Variants in ENOX1 observed in about 807,000 individuals in gnomAD.
The protein encoded by ENOX1 is candidate growth-related and time keeping constitutive hydroquinone (NADH) oxidase.
In ENOX1, 42 loss-of-function variants were observed where a neutral mutation model predicts 82.5. That is an observed-to-expected ratio of 0.51 (90% CI 0.40 to 0.66). ENOX1 has a LOEUF of 0.66. Ranked by LOEUF, ENOX1 falls within the 30% of genes least tolerant of loss-of-function variation. The pLI, the probability that ENOX1 is intolerant of heterozygous loss-of-function variation, is 0.00. For synonymous variants in ENOX1, 271 were observed against 282.2 expected (o/e 0.96, Z 0.40); for missense variants, 608 against 811.6 (o/e 0.75, Z 3.05).
chr13:43,573,033 C>G (rs2080253367), intron 2 of ENOX1, among the ~76,000 whole-genome samples: 1 of 152,168 alleles, frequency 6.6e-6, no homozygotes, highest in Admixed American at 6.5e-5. Flanking sequence ...AGTGAAGGAT[C>G]TCATTGGTAC....
intron 5 of ENOX1, among the ~76,000 whole-genome samples, chr13:43,398,436 G>C (rs2053284306): frequency 6.6e-6 from 1 of 151,984 alleles, no homozygotes; most frequent in Admixed American, 6.6e-5. Context: ...CAGTTTCCAG[G>C]CCTCATGGTT....
intron 2 of ENOX1, among the ~76,000 whole-genome samples, chr13:43,579,921 G>C (rs1161528336): frequency 6.6e-6 from 1 of 152,192 alleles, no homozygotes; most frequent in East Asian, 1.9e-4. Flanking sequence ...CCTACAGTAG[G>C]AAAGAGTTCA....
At chr13:43,493,391 G>A (rs2076687968) in intron 2 of ENOX1, among the ~76,000 whole-genome samples, 1 of 152,182 alleles carries the variant, frequency 6.6e-6, no homozygotes. Context: ...CAAGAAAGTA[G>A]TAACTCTCAC....
chr13:43,540,992 TGA>T (rs2078683130), intron 2 of ENOX1, among the ~76,000 whole-genome samples: 1 of 152,144 alleles, frequency 6.6e-6, no homozygotes, highest in African/African-American at 2.4e-5. Context: ...AACAGGCTGA[TGA>T]GAGGTGTTTG....
intron 1 of ENOX1, among the ~76,000 whole-genome samples, chr13:43,710,080 A>G (rs1406233822): frequency 6.6e-6 from 1 of 152,184 alleles, no homozygotes; most frequent in Non-Finnish European, 1.5e-5. Context: ...ACTTATCAAC[A>G]TAGATGCGAA....
chr13:43,643,483 A>G (rs1485197165), intron 2 of ENOX1, among the ~76,000 whole-genome samples: 1 of 152,178 alleles, frequency 6.6e-6, no homozygotes, highest in Non-Finnish European at 1.5e-5. Flanking sequence ...CCTTTGGAAT[A>G]GCTACTATTT....
At chr13:43,445,874 C>T (rs2056625692) in intron 3 of ENOX1, among the ~76,000 whole-genome samples, 2 of 152,200 alleles carry the variant, frequency 1.3e-5, no homozygotes, top group Non-Finnish European at 2.9e-5. Context: ...TGGCTCCTCA[C>T]TGAAATCTTC....
chr13:43,396,861 G>C (rs1022407307), intron 5 of ENOX1, among the ~76,000 whole-genome samples: 3 of 152,198 alleles, frequency 2.0e-5, no homozygotes, highest in South Asian at 4.1e-4. Flanking sequence ...AGCTTTAAGG[G>C]AGCCTGAATA....
intron 2 of ENOX1, among the ~76,000 whole-genome samples, chr13:43,518,074 A>G (rs2077622695): frequency 6.6e-6 from 1 of 152,150 alleles, no homozygotes. Flanking sequence ...CTATGGGACA[A>G]TTAGGCAGGA....
At chr13:43,282,220 C>T (rs745391576) in intron 12 of ENOX1, among the ~76,000 whole-genome samples, 2 of 152,066 alleles carry the variant, frequency 1.3e-5, no homozygotes, top group Admixed American at 6.6e-5. Flanking sequence ...CCTTGCATTC[C>T]TAGAATAAAT....
At chr13:43,334,009 C>T (rs1264291485) in intron 9 of ENOX1, among the ~76,000 whole-genome samples, 1 of 152,182 alleles carries the variant, frequency 6.6e-6, no homozygotes, top group African/African-American at 2.4e-5. Context: ...CAAAGTGTGG[C>T]CCCTGGACCA....
chr13:43,751,937 A>AT (rs1296976285), intron 1 of ENOX1, among the ~76,000 whole-genome samples: 1 of 152,150 alleles, frequency 6.6e-6, no homozygotes, highest in East Asian at 1.9e-4. Flanking sequence ...TATATGTTTG[A>AT]TTTTTTAAGA....
At chr13:43,371,471 A>G (rs2051239541) in intron 5 of ENOX1, among the ~76,000 whole-genome samples, 1 of 152,188 alleles carries the variant, frequency 6.6e-6, no homozygotes, top group African/African-American at 2.4e-5. Context: ...AAAGCCCACT[A>G]TAGTCAGTAT....
intron 14 of ENOX1, among the ~76,000 whole-genome samples, chr13:43,250,688 T>G (rs2043402877): frequency 6.6e-6 from 1 of 152,200 alleles, no homozygotes; most frequent in Non-Finnish European, 1.5e-5. Flanking sequence ...ATTTATTGAG[T>G]ACCTACAATA....
At chr13:43,556,069 T>C (rs2079422046) in intron 2 of ENOX1, among the ~76,000 whole-genome samples, 1 of 152,178 alleles carries the variant, frequency 6.6e-6, no homozygotes, top group African/African-American at 2.4e-5. Context: ...TCGATACCAA[T>C]GAATGTTCAA....
At chr13:43,398,725 G>A (rs772736268) in intron 5 of ENOX1, among the ~76,000 whole-genome samples, 1 of 151,536 alleles carries the variant, frequency 6.6e-6, no homozygotes, top group East Asian at 1.9e-4. Flanking sequence ...ACGTGAAGAC[G>A]AGGAGCATGG....
At chr13:43,677,598 C>T (rs2085571627) in intron 1 of ENOX1, among the ~76,000 whole-genome samples, 1 of 152,204 alleles carries the variant, frequency 6.6e-6, no homozygotes. Context: ...ATGTTTGACA[C>T]TTGATACCTT....
At position 43,609,402 on chromosome 13, in the gene ENOX1, G is replaced by A. The variant is rs140798660; in HGVS notation, c.-219+58077C>T. Reference sequence around the variant, plus strand: ...ATTTAATAAAGTAGTCACTGTGGCTGTATTTATATTTTGTAAGTAATTTAT... The same window carrying A: ...ATTTAATAAAGTAGTCACTGTGGCTATATTTATATTTTGTAAGTAATTTAT... On this transcript the variant is annotated intron_variant, in intron 2 of 16. Coordinates refer to ENST00000690772, the MANE Select transcript of ENOX1 (RefSeq NM_001347969.2). Among the ~76,000 whole-genome samples the A allele has an allele frequency of 2.2e-3, 330 of 152,272 alleles. 2 individuals are homozygous for A. Among genetic ancestry groups the A allele is most frequent in the Admixed American group, 8.6e-3 (132 of 15,298 alleles).
chr13:43,630,919 ATG>A lies in ENOX1; in HGVS notation c.-219+36558_-219+36559del, dbSNP rs199871314. Among the ~76,000 whole-genome samples the A allele has an allele frequency of 1.3e-3, 169 of 134,876 alleles. 1 individual carries two copies. The highest frequency in any genetic ancestry group is 4.0e-3 in the African/African-American group (162 of 40,018). The allele number at this position is 134,876 out of a possible 152,430, so 88.5% of individuals were successfully genotyped here. ...TACACGCATACATACGTGTGCGTAT[ATG>A]TGTGTGTGTGTTTGTGTGTGTGTGT... On this transcript the variant is annotated intron_variant, in intron 2 of 16. Transcript: ENST00000690772.
Sources: allele counts gnomAD v4.1 joint callset (sites outside exome capture counted in the v4.1 genomes callset), GRCh38; gene constraint gnomAD v4.1.1; transcripts MANE v1.5; gene names NCBI Gene and HGNC (gene_info 2026-07-23, HGNC 2026-07-21).